The following AFF2 variants were observed in gnomAD, a reference collection of about 807,000 sequenced individuals.
AFF2 encodes AF4/FMR2 family member 2.
In AFF2, 14 loss-of-function variants were observed where a neutral mutation model predicts 76.9. The observed-to-expected ratio is 0.18, with a 90% CI of 0.12 to 0.28. The LOEUF is 0.28. Among genes scored for constraint, AFF2 ranks in the 10% least tolerant of loss-of-function variants. The pLI, the probability that AFF2 is intolerant of heterozygous loss-of-function variation, is 1.00. For missense variants in AFF2, 868 were observed against 1,001.1 expected (o/e 0.87, Z 1.79); for synonymous variants, 398 against 366.7 (o/e 1.09, Z -0.98).
chrX:148,793,614 A>G (rs1370676119), intron 3 of AFF2, among the ~76,000 whole-genome samples: 1 of 111,676 alleles, frequency 9.0e-6, no homozygotes, highest in Non-Finnish European at 1.9e-5. Context: ...AATCAATTCA[A>G]TGGAACCAAA....
At chrX:148,919,636 A>C (rs782502181) in intron 9 of AFF2, among the ~76,000 whole-genome samples, 1 of 111,312 alleles carries the variant, frequency 9.0e-6, no homozygotes, top group South Asian at 3.7e-4. Context: ...ATTTGAAAAA[A>C]GTTATAGGTT....
intron 1 of AFF2, among the ~76,000 whole-genome samples, chrX:148,640,638 T>G (rs1358359538): frequency 8.9e-6 from 1 of 112,524 alleles, no homozygotes; most frequent in African/African-American, 3.2e-5. Flanking sequence ...CACAAAACAA[T>G]AAATATTTCC....
At chrX:148,631,750 C>T (rs543885431) in intron 1 of AFF2, among the ~76,000 whole-genome samples, 2 of 112,175 alleles carry the variant, frequency 1.8e-5, no homozygotes, top group East Asian at 2.8e-4. Context: ...TAACAGCCTT[C>T]CAGAGGAGTT....
chrX:148,527,661 A>G (rs2052680026), intron 1 of AFF2, among the ~76,000 whole-genome samples: 1 of 111,926 alleles, frequency 8.9e-6, no homozygotes, highest in Admixed American at 9.5e-5. Context: ...TATATAGGCT[A>G]TTTTAATGTT....
intron 4 of AFF2, among the ~76,000 whole-genome samples, chrX:148,811,662 T>C (rs781943529): frequency 8.9e-6 from 1 of 112,108 alleles, no homozygotes; most frequent in African/African-American, 3.2e-5. Context: ...GCCAGGCATA[T>C]CTCAAAATCT....
At chrX:148,615,365 A>G in intron 1 of AFF2, among the ~76,000 whole-genome samples, 1 of 112,118 alleles carries the variant, frequency 8.9e-6, no homozygotes, top group Non-Finnish European at 1.9e-5. Context: ...ATCGAATGGA[A>G]TTTTACATTG....
intron 3 of AFF2, among the ~76,000 whole-genome samples, chrX:148,735,650 C>T (rs781846503): frequency 9.0e-6 from 1 of 110,799 alleles, no homozygotes; most frequent in African/African-American, 3.3e-5. Context: ...TATTGGGGTA[C>T]AGGTGGTATT....
intron 5 of AFF2, among the ~76,000 whole-genome samples, chrX:148,841,529 ATAT>A (rs1467917812): frequency 8.9e-6 from 1 of 111,941 alleles, no homozygotes; most frequent in Non-Finnish European, 1.9e-5. Context: ...AGTATGTGTA[ATAT>A]TATACTATGC....
At chrX:148,619,673 G>C (rs1193840608) in intron 1 of AFF2, among the ~76,000 whole-genome samples, 4 of 111,944 alleles carry the variant, frequency 3.6e-5, no homozygotes, top group Non-Finnish European at 7.5e-5. Context: ...GTATGGGAAA[G>C]ATTTATCATA....
intron 1 of AFF2, among the ~76,000 whole-genome samples, chrX:148,608,240 A>AT (rs1167726136): frequency 9.0e-6 from 1 of 111,490 alleles, no homozygotes; most frequent in Non-Finnish European, 1.9e-5. Context: ...TGTGTCAACA[A>AT]TTTTTTTTCC....
intron 4 of AFF2, among the ~76,000 whole-genome samples, chrX:148,832,066 T>C (rs1557273387): frequency 8.9e-6 from 1 of 112,467 alleles, no homozygotes; most frequent in African/African-American, 3.2e-5. Context: ...TGATGTTTCT[T>C]CATCCTTAGT....
At chrX:148,947,271 A>G (rs2071911779) in intron 9 of AFF2, among the ~76,000 whole-genome samples, 1 of 112,268 alleles carries the variant, frequency 8.9e-6, no homozygotes, top group Non-Finnish European at 1.9e-5. Context: ...CTGCTCATCA[A>G]TAGCATCAGA....
rs1013541367 is a variant in AFF2, at chrX:148,969,144, G to A, written c.3267+1452G>A. ...CACAGACATATATACATATGATTAT[G>A]AACTAACATCACTCTACATTCCAAG... is the stretch of plus-strand genomic sequence containing the variant. On this transcript the variant is annotated intron_variant, in intron 15 of 20. Coordinates refer to ENST00000370460, the MANE Select transcript of AFF2 (RefSeq NM_002025.4). Among the ~76,000 whole-genome samples the A allele has an allele frequency of 3.3e-4, 37 of 112,778 alleles. No individual in the cohort carries two copies. In the Admixed American group the frequency reaches 3.4e-3, roughly 10 times the overall value.
At chrX:148,519,166 A>AT (rs2052569175) in intron 1 of AFF2, among the ~76,000 whole-genome samples, 1 of 110,983 alleles carries the variant, frequency 9.0e-6, no homozygotes, top group Non-Finnish European at 1.9e-5. Flanking sequence ...AACACACCCC[A>AT]TTTTTTGCAT....
At chrX:148,913,241 G>A (rs782095669) in intron 9 of AFF2, among the ~76,000 whole-genome samples, 1 of 112,259 alleles carries the variant, frequency 8.9e-6, no homozygotes, top group African/African-American at 3.2e-5. Flanking sequence ...GAACTCTACA[G>A]TTTTTACCAA....
chrX:148,921,072 G>A (rs2071589926), intron 9 of AFF2, among the ~76,000 whole-genome samples: 1 of 111,419 alleles, frequency 9.0e-6, no homozygotes, highest in African/African-American at 3.3e-5. Flanking sequence ...TTAAGCCACA[G>A]CCTCATTGCA....
intron 3 of AFF2, among the ~76,000 whole-genome samples, chrX:148,785,114 T>C (rs2069800461): frequency 1.8e-5 from 2 of 112,437 alleles, no homozygotes; most frequent in South Asian, 3.7e-4. Flanking sequence ...TGTGTGAGTA[T>C]GTGTGTACGC....
At chrX:148,583,198 G>A (rs782465810) in intron 1 of AFF2, among the ~76,000 whole-genome samples, 5 of 111,449 alleles carry the variant, frequency 4.5e-5, no homozygotes, top group Admixed American at 1.9e-4. Context: ...ATAACCTTGT[G>A]AGTACACTAA....
chrX:148,942,545 G>A (rs1277567125), intron 9 of AFF2, among the ~76,000 whole-genome samples: 2 of 111,304 alleles, frequency 1.8e-5, no homozygotes, highest in South Asian at 3.8e-4. Context: ...GGCCAGGCAC[G>A]GTAGCTCACG....
Sources: allele counts gnomAD v4.1 joint callset (sites outside exome capture counted in the v4.1 genomes callset), GRCh38; gene constraint gnomAD v4.1.1; transcripts MANE v1.5; gene names NCBI Gene and HGNC (gene_info 2026-07-23, HGNC 2026-07-21).